Variants in STK32A observed in about 807,000 individuals in gnomAD.
STK32A encodes serine/threonine-protein kinase 32A.
Under a neutral mutation model 53.2 loss-of-function variants are expected in STK32A, and 41 were observed. That is an observed-to-expected ratio of 0.77 (90% CI 0.60 to 1.00). STK32A has a LOEUF of 1.00. STK32A is among the 50% of genes least tolerant of loss of function. STK32A has a pLI of 0.00. For missense variants in STK32A, 458 were observed against 485.8 expected, an observed-to-expected ratio of 0.94 and a Z score of 0.54; for synonymous variants, 166 against 162.8, an observed-to-expected ratio of 1.02 and a Z score of -0.15.
intron 8 of STK32A, among the ~76,000 whole-genome samples, chr5:147,362,028 T>C (rs144853351): frequency 1.3e-5 from 2 of 152,336 alleles, no homozygotes; most frequent in East Asian, 3.9e-4. Context: ...CTCTGTCTTG[T>C]TGGATTTCTA....
intron 2 of STK32A, among the ~76,000 whole-genome samples, chr5:147,273,713 T>G (rs1458436194): frequency 6.6e-6 from 1 of 152,228 alleles, no homozygotes; most frequent in Non-Finnish European, 1.5e-5. Flanking sequence ...TCTGTTGGAC[T>G]TTTTGAAAAA....
chr5:147,277,358 A>G (rs1452806671), intron 2 of STK32A, among the ~76,000 whole-genome samples: 28 of 152,132 alleles, frequency 1.8e-4, no homozygotes, highest in Admixed American at 1.8e-3. Context: ...TTTCACGAGC[A>G]TTGACTCAAA....
chr5:147,267,788 G>A lies in STK32A; in HGVS notation c.53-10336G>A, dbSNP rs181830920. On this transcript the variant is annotated intron_variant, in intron 2 of 12. Coordinates refer to ENST00000397936, the MANE Select transcript of STK32A (RefSeq NM_001112724.2). The stretch of plus-strand genomic sequence containing the variant: ...CTACTGAGAGCTTCTTCACCTCAGG[G>A]TTTGGGTCACTTTAAATGCATCCTC... Among the ~76,000 whole-genome samples the A allele has an allele frequency of 3.4e-3, 512 of 152,178 alleles. 1 individual carries two copies. The Middle Eastern group carries it at 0.037, about 11-fold the overall frequency.
chr5:147,354,884 G>A (rs1019727623), intron 7 of STK32A, among the ~76,000 whole-genome samples: 6 of 152,126 alleles, frequency 3.9e-5, no homozygotes, highest in African/African-American at 7.2e-5. Flanking sequence ...TAACATATTC[G>A]AAATGTTTCT....
At chr5:147,318,519 CTT>C (rs1345643086) in intron 4 of STK32A, among the ~76,000 whole-genome samples, 1 of 151,452 alleles carries the variant, frequency 6.6e-6, no homozygotes, top group Admixed American at 6.6e-5. Context: ...AATTTCAACA[CTT>C]TGAGAGGCTA....
In STK32A at chr5:147,386,790, T is replaced by C. The variant is rs1315355209; in HGVS notation, c.*2807T>C. On this transcript the variant is annotated 3_prime_UTR_variant, in exon 13 of 13. Coordinates refer to ENST00000397936, the MANE Select transcript of STK32A (RefSeq NM_001112724.2). ...GCAAAACCATGGTATCTGACAGTGC[T>C]GATTGTAATCACCTCCCACCACTGT... is the stretch of plus-strand genomic sequence containing the variant. The C allele has an allele frequency of 6.6e-6, 1 of 152,242 alleles. No homozygotes were observed. Among genetic ancestry groups the C allele is most frequent in the African/African-American group, 2.4e-5 (1 of 41,466 alleles). The allele number at this position is 152,242 out of a possible 1,614,324, so 9.4% of individuals were successfully genotyped here.
chr5:147,348,792 T>C, intron 6 of STK32A: 4 of 732,168 alleles, frequency 5.5e-6, no homozygotes, highest in Non-Finnish European at 7.7e-6. Context: ...TTTCTGATAA[T>C]GACGGATATC....
intron 8 of STK32A, among the ~76,000 whole-genome samples, chr5:147,369,541 G>A (rs1756916107): frequency 6.6e-6 from 1 of 152,128 alleles, no homozygotes; most frequent in Admixed American, 6.5e-5. Context: ...TTTTACAGAT[G>A]AAGTAACAAG....
intron 4 of STK32A, among the ~76,000 whole-genome samples, chr5:147,319,229 G>A (rs1370675144): frequency 1.4e-5 from 2 of 145,742 alleles, no homozygotes; most frequent in East Asian, 2.1e-4. Flanking sequence ...TGCAAGCTCC[G>A]CCTCCTGGGT....
chr5:147,284,691 C>CAAAAAAAAAAAAAAAAAAAAAAAA (rs1401748709), intron 4 of STK32A, among the ~76,000 whole-genome samples: 1 of 61,406 alleles, frequency 1.6e-5, no homozygotes, highest in Non-Finnish European at 3.6e-5. Context: ...CAAAACAAGA[C>CAAAAAAAAAAAAAAAAAAAAAAAA]AAAACAAAAA....
intron 5 of STK32A, among the ~76,000 whole-genome samples, 180 bp downstream of exon 5, chr5:147,324,251 A>T (rs1754467768): frequency 6.6e-6 from 1 of 152,212 alleles, no homozygotes; most frequent in African/African-American, 2.4e-5. Flanking sequence ...GAACACATAG[A>T]GCTTAATTTG....
chr5:147,343,243 A>T (rs762287992), intron 6 of STK32A, 200 bp downstream of exon 6: 1 of 751,722 alleles, frequency 1.3e-6, no homozygotes, highest in Non-Finnish European at 2.4e-6. Context: ...CTTAAATCAC[A>T]TTGAATTTAC....
chr5:147,254,252 C>CTTG, intron 2 of STK32A, among the ~76,000 whole-genome samples: 1 of 152,294 alleles, frequency 6.6e-6, no homozygotes, highest in East Asian at 1.9e-4. Context: ...TTTTGGGAGA[C>CTTG]ACCTTTGGTT....
At chr5:147,269,001 A>G (rs542185756) in intron 2 of STK32A, among the ~76,000 whole-genome samples, 6 of 152,312 alleles carry the variant, frequency 3.9e-5, no homozygotes, top group Non-Finnish European at 8.8e-5. Context: ...AGTAAAGAAC[A>G]GTGTTGGAGG....
At position 147,252,062 on chromosome 5, in the gene STK32A, G is replaced by A. The variant is rs541989721; in HGVS notation, c.52+12376G>A. ...TACCATTTTTTTTTTAATTAGTTGG[G>A]TATGGTGGCAGGAGATCAAGGCTAC... On this transcript the variant is annotated intron_variant, in intron 2 of 12. Coordinates refer to ENST00000397936, the MANE Select transcript of STK32A (RefSeq NM_001112724.2). Among the ~76,000 whole-genome samples the A allele has an allele frequency of 3.9e-5, 6 of 151,900 alleles. No homozygotes were observed. In the South Asian group the frequency reaches 1.2e-3, roughly 32 times the overall value.
chr5:147,254,560 T>C (rs979839419), intron 2 of STK32A, among the ~76,000 whole-genome samples: 1 of 152,300 alleles, frequency 6.6e-6, no homozygotes, highest in South Asian at 2.1e-4. Context: ...CCCTTACAGA[T>C]AGAATAATGG....
chr5:147,303,007 T>C (rs992191262), intron 4 of STK32A, among the ~76,000 whole-genome samples: 3 of 152,146 alleles, frequency 2.0e-5, no homozygotes, highest in East Asian at 3.9e-4. Flanking sequence ...TCAAATTCCA[T>C]CCTTTTTAGA....
In STK32A at chr5:147,351,574, C is replaced by A. The variant is rs145416055; in HGVS notation, c.562+420C>A. On this transcript the variant is annotated intron_variant, in intron 7 of 12. Coordinates refer to ENST00000397936, the MANE Select transcript of STK32A (RefSeq NM_001112724.2). ...AAAAAAAGAACCAAACAAGGCCGGG[C>A]ATGGTGGCTCACGCCTGTAATCCCA... 5.9e-3 allele frequency among the ~76,000 whole-genome samples: 903 copies of A among 152,090 alleles called. 10 individuals are homozygous for A. Among genetic ancestry groups the A allele is most frequent in the African/African-American group, 0.021 (858 of 41,476 alleles).
intron 5 of STK32A, 36 bp downstream of exon 5, chr5:147,324,107 C>A: frequency 6.5e-7 from 1 of 1,544,782 alleles, no homozygotes; most frequent in Non-Finnish European, 8.7e-7. Context: ...ATGAACGTAA[C>A]GCAAGGAGAG....
Sources: gnomAD v4.1 joint callset for allele counts (sites outside exome capture counted in the v4.1 genomes callset) on GRCh38, gnomAD v4.1.1 for gene constraint, MANE v1.5 for transcripts, NCBI Gene and HGNC (gene_info 2026-07-23, HGNC 2026-07-21) for gene names.